MARF1: variants seen among roughly 807,000 people sequenced by gnomAD.
MARF1 encodes the protein limkain-b1.
MARF1 carries 24 observed loss-of-function variants against 168.2 expected under a neutral mutation model. That is an observed-to-expected ratio of 0.14 (90% CI 0.10 to 0.20). MARF1 has a LOEUF of 0.20. Among genes scored for constraint, MARF1 ranks in the 10% least tolerant of loss-of-function variants. The probability of loss-of-function intolerance (pLI) is 1.00; values close to 1 mark genes in which losing one functional copy is unlikely to be tolerated. For missense variants in MARF1, 1,744 were observed against 2,143.6 expected (o/e 0.81, Z 3.68); for synonymous variants, 868 against 822.4 (o/e 1.06, Z -0.95).
intron 21 of MARF1, among the ~76,000 whole-genome samples, chr16:15,607,794 C>A (rs1321880521): frequency 6.6e-6 from 1 of 152,202 alleles, no homozygotes. Flanking sequence ...GGACAGCAAA[C>A]AGCACGAGCT....
intron 22 of MARF1, chr16:15,602,560 A>C: frequency 2.0e-6 from 1 of 487,826 alleles, no homozygotes; most frequent in Non-Finnish European, 4.0e-6. Flanking sequence ...CGAATTGGAC[A>C]AAGACAAAGA....
At chr16:15,614,586 C>A (rs1170683613) in intron 16 of MARF1, among the ~76,000 whole-genome samples, 1 of 148,654 alleles carries the variant, frequency 6.7e-6, no homozygotes, top group Admixed American at 6.8e-5. Flanking sequence ...GAGATCAAGA[C>A]CATCCTGGCT....
chr16:15,601,399 G>A, intron 23 of MARF1: 1 of 245,212 alleles, frequency 4.1e-6, no homozygotes, highest in East Asian at 9.7e-5. Flanking sequence ...GCACCACTGG[G>A]GTGCTTTTCA....
intron 21 of MARF1, among the ~76,000 whole-genome samples, chr16:15,607,241 A>G (rs1221230123): frequency 6.6e-6 from 1 of 152,276 alleles, no homozygotes; most frequent in Admixed American, 6.5e-5. Context: ...TCTTAGCTGC[A>G]GTCCAATACA....
Position 15,600,430 on chromosome 16 carries a change from C to A in MARF1, c.4811G>T (p.Ser1604Ile), listed in dbSNP as rs769702054. The change falls in exon 25 of 27, where the codon AGT becomes ATT. Residue 1604 changes from serine to isoleucine, a missense_variant and splice_region_variant. Physicochemically the swap from Ser to Ile is moderately radical, Grantham distance 142. This residue lies in a region of MARF1 where 313 missense variants were observed against 337.4 expected (regional missense o/e 0.93). Coordinates refer to ENST00000396368, the MANE Select transcript of MARF1 (RefSeq NM_014647.4). ...ASELKLGADG[S>I]GPSHTEQELL... is the part of the protein sequence containing the mutation. Reference sequence around the variant, plus strand: ...TGTCTCTGCTTTTCCTCTCTTACCACTGCCGTCAGCTCCAAGCTTGAGTTC... The same window carrying A: ...TGTCTCTGCTTTTCCTCTCTTACCAATGCCGTCAGCTCCAAGCTTGAGTTC... 6.2e-7 allele frequency: 1 copy of A among 1,614,214 alleles called. No individual in the cohort carries two copies. The highest frequency in any genetic ancestry group is 1.1e-5 in the South Asian group (1 of 91,086).
chr16:15,605,550 A>C (rs1289955518), intron 21 of MARF1, among the ~76,000 whole-genome samples: 1 of 152,162 alleles, frequency 6.6e-6, no homozygotes, highest in Non-Finnish European at 1.5e-5. Context: ...TTAGCCACCC[A>C]GACCCCCACC....
At chr16:15,603,400 C>T (rs1234376392) in intron 22 of MARF1, among the ~76,000 whole-genome samples, 5 of 152,070 alleles carry the variant, frequency 3.3e-5, no homozygotes, top group African/African-American at 1.2e-4. Flanking sequence ...CCTCAAACTC[C>T]TGGGCTCAAG....
At chr16:15,623,602 C>T (rs1304491005) in intron 10 of MARF1, among the ~76,000 whole-genome samples, 2 of 151,966 alleles carry the variant, frequency 1.3e-5, no homozygotes, top group Non-Finnish European at 2.9e-5. Flanking sequence ...CTTAAATACA[C>T]ATTGATTTCA....
chr16:15,641,981 C>G (rs1230357198), intron 1 of MARF1, among the ~76,000 whole-genome samples: 2 of 152,212 alleles, frequency 1.3e-5, no homozygotes, highest in Non-Finnish European at 2.9e-5. Flanking sequence ...AGCATAGGCT[C>G]TGTCGACTGT....
At chr16:15,605,715 A>G (rs896327879) in intron 21 of MARF1, 2 of 152,094 alleles carry the variant, frequency 1.3e-5, no homozygotes, top group African/African-American at 4.8e-5. Context: ...GACTAATTCT[A>G]TAAGAATCTG....
intron 1 of MARF1, among the ~76,000 whole-genome samples, chr16:15,640,892 T>C (rs1403180050): frequency 1.3e-5 from 2 of 152,068 alleles, no homozygotes; most frequent in African/African-American, 2.4e-5. Context: ...GGCTCTTTTG[T>C]CAGCCTGGGC....
At chr16:15,599,228 A>G (rs1441832074) in intron 25 of MARF1, 2 of 594,630 alleles carry the variant, frequency 3.4e-6, no homozygotes, top group Admixed American at 3.0e-5. Context: ...ACGCCTTAAT[A>G]AGCTAGTTCT....
chr16:15,611,447 A>AG (rs532317385), intron 18 of MARF1, 145 bp downstream of exon 18: 2 of 135,346 alleles, frequency 1.5e-5, no homozygotes, highest in East Asian at 1.8e-4. Context: ...ACTCCGTCTC[A>AG]AAAAAAAAAA....
In MARF1 at chr16:15,594,922, AATG is replaced by A. The variant is rs1174392473; in HGVS notation, c.*1768_*1770del. 2 of 152,620 alleles carry A rather than the reference AATG, an allele frequency of 1.3e-5. No homozygotes were observed. The allele number at this position is 152,620 out of a possible 1,614,324, so 9.5% of individuals were successfully genotyped here. A position where few individuals can be genotyped will look rare whatever the true frequency, so the allele number is the denominator to read the frequency against. ...TTTGAGTCTGTTCCAGGTGACTTGT[AATG>A]ATACCTCTTACGGTTTTAAAGTCCA... On this transcript the variant is annotated 3_prime_UTR_variant, in exon 27 of 27. Transcript: ENST00000396368.
rs543465988 is a variant in MARF1, at chr16:15,640,986, T to C, written c.-58-1695A>G. 3.9e-4 allele frequency among the ~76,000 whole-genome samples: 59 copies of C among 152,334 alleles called. No homozygotes were observed. The Middle Eastern group carries it at 0.01, about 26-fold the overall frequency. On this transcript the variant is annotated intron_variant, in intron 1 of 26. Coordinates refer to ENST00000396368, the MANE Select transcript of MARF1 (RefSeq NM_014647.4). ...GCAGCATGCGCCTAGTCCCAGCTAC[T>C]AGAGAGACTGAGGTAGGAGGATCTC...
intron 16 of MARF1, among the ~76,000 whole-genome samples, chr16:15,615,466 A>C (rs925845432): frequency 2.0e-5 from 3 of 152,102 alleles, no homozygotes; most frequent in African/African-American, 7.2e-5. Context: ...TCTACTAAAA[A>C]TACAAAAAAT....
rs746091085 is a variant in MARF1 at position 15,639,200 on chromosome 16, T to G, written c.34A>C (p.Ser12Arg). 1 of 1,614,130 alleles carries G rather than the reference T, an allele frequency of 6.2e-7. No individual in the cohort carries two copies. The highest frequency in any genetic ancestry group is 8.5e-7 in the Non-Finnish European group (1 of 1,179,998). The change falls in exon 2 of 27, where the codon AGT becomes CGT. Residue 12 changes from serine to arginine, a missense_variant. Physicochemically the swap from Ser to Arg is moderately radical, Grantham distance 110. Around this residue, in one of 7 missense-constraint regions of MARF1, gnomAD observed 318 missense variants for 336.6 expected, o/e 0.94. Coordinates refer to ENST00000396368, the MANE Select transcript of MARF1 (RefSeq NM_014647.4). ...MEGNGTENSC[S>R]RTRGWLQQDN... ...TGTTGAAGCCATCCACGTGTTCTAC[T>G]GCAGGAGTTCTCAGTTCCGTTTCCT...
rs2034469000 is a variant in MARF1, at chr16:15,621,645, A to G, written c.2639+88T>C. 1.6e-5 allele frequency: 19 copies of G among 1,215,452 alleles called. No homozygotes were observed. In the South Asian group the frequency reaches 2.7e-4, roughly 17 times the overall value. The allele number at this position is 1,215,452 out of a possible 1,614,324, so 75.3% of individuals were successfully genotyped here. ...CATGCAATCATCACAAGGGGGTGGG[A>G]ATGTGATTGAATCTATTTTTATTAT... On this transcript the variant is annotated intron_variant, in intron 12 of 26. Coordinates refer to ENST00000396368, the MANE Select transcript of MARF1 (RefSeq NM_014647.4).
At chr16:15,598,676 T>TG (rs1224594152) in intron 26 of MARF1, among the ~76,000 whole-genome samples, 178 bp downstream of exon 26, 1 of 151,850 alleles carries the variant, frequency 6.6e-6, no homozygotes, top group Non-Finnish European at 1.5e-5. Context: ...AACCTCAGGC[T>TG]GTGCATCCCA....
Sources: gnomAD v4.1 joint callset for allele counts (sites outside exome capture counted in the v4.1 genomes callset) on GRCh38, gnomAD v4.1.1 for gene constraint, gnomAD v4.1.1 regional missense constraint, MANE v1.5 for transcripts, NCBI Gene and HGNC (gene_info 2026-07-23, HGNC 2026-07-21) for gene names.